Variants in PCSK6 observed in about 807,000 individuals in gnomAD.
The protein encoded by PCSK6 is proprotein convertase subtilisin/kexin type 6.
In PCSK6, 85 loss-of-function variants were observed where a neutral mutation model predicts 123.3. The observed-to-expected ratio is 0.69, with a 90% confidence interval of 0.58 to 0.83. The LOEUF (loss-of-function observed/expected upper bound fraction) is 0.83, where lower values mean the gene tolerates loss of function less well. PCSK6 is among the 40% of genes least tolerant of loss of function. The probability of loss-of-function intolerance (pLI) is 0.00; values close to 1 mark genes in which losing one functional copy is unlikely to be tolerated. For synonymous variants in PCSK6, 508 were observed against 516.0 expected (o/e 0.98, Z 0.21); for missense variants, 1,191 against 1,282.3 (o/e 0.93, Z 1.09).
chr15:101,311,285 ATTTT>A (rs71154317), intron 20 of PCSK6, among the ~76,000 whole-genome samples: 1 of 114,950 alleles, frequency 8.7e-6, no homozygotes, highest in African/African-American at 3.2e-5. Flanking sequence ...TAATTTTTGC[ATTTT>A]TTTTTTTTTT....
intron 6 of PCSK6, among the ~76,000 whole-genome samples, chr15:101,410,078 A>G (rs963489193): frequency 6.6e-6 from 1 of 152,214 alleles, no homozygotes; most frequent in African/African-American, 2.4e-5. Flanking sequence ...GATTACAGGC[A>G]TAAGCCACCA....
intron 2 of PCSK6, among the ~76,000 whole-genome samples, chr15:101,437,296 T>A (rs2056628298): frequency 6.6e-6 from 1 of 152,226 alleles, no homozygotes; most frequent in Admixed American, 6.5e-5. Context: ...GAGCCCATCA[T>A]GGCGAGATGC....
At chr15:101,370,117 C>A (rs770934223) in intron 12 of PCSK6, among the ~76,000 whole-genome samples, 6 of 152,202 alleles carry the variant, frequency 3.9e-5, no homozygotes, top group Non-Finnish European at 8.8e-5. Flanking sequence ...TTTTCCAGGA[C>A]CTTTTGGAAG....
chr15:101,406,025 G>A (rs1266530656), intron 6 of PCSK6, among the ~76,000 whole-genome samples: 3 of 152,190 alleles, frequency 2.0e-5, no homozygotes, highest in Non-Finnish European at 4.4e-5. Flanking sequence ...TTACAGGTAT[G>A]AACCACCGTA....
chr15:101,450,337 G>C (rs1415912561), intron 1 of PCSK6, among the ~76,000 whole-genome samples: 2 of 152,056 alleles, frequency 1.3e-5, no homozygotes, highest in East Asian at 2.0e-4. Context: ...CCAGTGTAAG[G>C]GGCCCTGCCC....
At chr15:101,390,063 TTAGCCAG>T (rs1232533133) in intron 8 of PCSK6, among the ~76,000 whole-genome samples, 2 of 152,176 alleles carry the variant, frequency 1.3e-5, no homozygotes, top group Non-Finnish European at 2.9e-5. Context: ...GTTTCTGCCT[TTAGCCAG>T]TAGGTCATAA....
In PCSK6 at chr15:101,408,005, C is replaced by T. The variant is rs186290856; in HGVS notation, c.824-9429G>A. ...TTTGACATCGAGGCTGACCCTTTCA[C>T]GGTCTCCCCGCTAGGGAATGAGGGC... is the stretch of plus-strand genomic sequence containing the variant. On this transcript the variant is annotated intron_variant, in intron 6 of 21. Transcript: ENST00000611716. Among the ~76,000 whole-genome samples, 229 of 152,312 alleles carry T rather than the reference C, an allele frequency of 1.5e-3. 1 individual carries two copies. The highest frequency in any genetic ancestry group is 5.3e-3 in the African/African-American group (219 of 41,574).
intron 13 of PCSK6, among the ~76,000 whole-genome samples, chr15:101,365,593 A>AAAAACTTGTACATG (rs2041363614): frequency 6.6e-6 from 1 of 152,214 alleles, no homozygotes; most frequent in Admixed American, 6.5e-5. Context: ...AGGTCCACAT[A>AAAAACTTGTACATG]AAAACTTGTA....
At chr15:101,401,449 T>G (rs537070253) in intron 6 of PCSK6, among the ~76,000 whole-genome samples, 3 of 152,188 alleles carry the variant, frequency 2.0e-5, no homozygotes, top group African/African-American at 7.2e-5. Context: ...GGCACTGAGA[T>G]GGCACAAGGC....
chr15:101,365,200 C>T (rs578252284), intron 13 of PCSK6, among the ~76,000 whole-genome samples: 2 of 152,246 alleles, frequency 1.3e-5, no homozygotes, highest in African/African-American at 4.8e-5. Context: ...AAAGGAAACA[C>T]AGGAGTAAAT....
rs56385883 is a variant in PCSK6, at chr15:101,432,459, C to CAAAA, written c.403-363_403-360dup. 4.1e-4 allele frequency among the ~76,000 whole-genome samples: 48 copies of CAAAA among 117,314 alleles called. 2 individuals are homozygous for CAAAA. Among genetic ancestry groups the CAAAA allele is most frequent in the Middle Eastern group, 4.5e-3 (1 of 222 alleles). The allele number at this position is 117,314 out of a possible 152,430, so 77.0% of individuals were successfully genotyped here. Reference sequence around the variant, plus strand: ...GCAACATGGTGAAACCCCACCTCTCCAAAAAAAAAAAAAAAAAAATCTAGC... The same window carrying CAAAA: ...GCAACATGGTGAAACCCCACCTCTCCAAAAAAAAAAAAAAAAAAAAAAATCTAGC... On this transcript the variant is annotated intron_variant, in intron 2 of 21. Transcript: ENST00000611716.
At chr15:101,443,842 A>G (rs889046345) in intron 1 of PCSK6, among the ~76,000 whole-genome samples, 182 bp from the exon 2 acceptor site, 1 of 152,222 alleles carries the variant, frequency 6.6e-6, no homozygotes, top group Non-Finnish European at 1.5e-5. Context: ...GTGAAGGTGG[A>G]TTCAGACACT....
intron 1 of PCSK6, among the ~76,000 whole-genome samples, chr15:101,464,390 T>C (rs532591963): frequency 6.6e-6 from 1 of 152,134 alleles, no homozygotes; most frequent in African/African-American, 2.4e-5. Context: ...AATTTGGTCA[T>C]TTAATGTGAA....
intron 13 of PCSK6, among the ~76,000 whole-genome samples, chr15:101,345,554 A>T (rs918933802): frequency 7.2e-5 from 11 of 152,388 alleles, no homozygotes; most frequent in African/African-American, 2.6e-4. Flanking sequence ...ATTTATATGA[A>T]TTACGACACA....
Position 101,403,253 on chromosome 15 carries a change from ACACTCTGG to A in PCSK6, c.824-4685_824-4678del, listed in dbSNP as rs2042651394. Among the ~76,000 whole-genome samples, 8 of 121,288 alleles carry A rather than the reference ACACTCTGG, an allele frequency of 6.6e-5. No homozygotes were observed. The South Asian group carries it at 2.2e-3, about 34-fold the overall frequency. 79.6% of individuals were successfully genotyped at this position (121,288 alleles called of 152,430 possible). On this transcript the variant is annotated intron_variant, in intron 6 of 21. Transcript: ENST00000611716. ...ACATGGACACAGGAAGGGGAACATC[ACACTCTGG>A]GGACTGTTGTGGGGTGGGGGGAGGG...
At chr15:101,445,305 T>G (rs1051930400) in intron 1 of PCSK6, among the ~76,000 whole-genome samples, 1 of 152,148 alleles carries the variant, frequency 6.6e-6, no homozygotes, top group African/African-American at 2.4e-5. Context: ...CTGGGTGACC[T>G]GGGCTTACCC....
At chr15:101,368,057 C>G (rs2041453957) in intron 12 of PCSK6, among the ~76,000 whole-genome samples, 1 of 152,218 alleles carries the variant, frequency 6.6e-6, no homozygotes, top group Non-Finnish European at 1.5e-5. Flanking sequence ...CTCAGGTGAT[C>G]CACCCACCTT....
In PCSK6 at chr15:101,446,889, G is replaced by A. The variant is rs1055606833; in HGVS notation, c.298-3229C>T. Among the ~76,000 whole-genome samples, 5 of 152,134 alleles carry A rather than the reference G, an allele frequency of 3.3e-5. No individual in the cohort carries two copies. In the South Asian group the frequency reaches 6.2e-4, roughly 19 times the overall value. ...CTTGTCAGATGCTCCAAGAGGCCCC[G>A]TCCTTCTGTCTGACTCATGTGGTCC... On this transcript the variant is annotated intron_variant, in intron 1 of 21. Transcript: ENST00000611716.
chr15:101,422,655 C>A (rs2056119891), intron 6 of PCSK6, among the ~76,000 whole-genome samples: 1 of 151,028 alleles, frequency 6.6e-6, no homozygotes, highest in Non-Finnish European at 1.5e-5. Context: ...GAGTCTCGCT[C>A]TGTCGCCCAG....
Sources: allele counts gnomAD v4.1 joint callset (sites outside exome capture counted in the v4.1 genomes callset), GRCh38; gene constraint gnomAD v4.1.1; transcripts MANE v1.5; gene names NCBI Gene and HGNC (gene_info 2026-07-23, HGNC 2026-07-21).